Variants in CNGB3 observed in about 807,000 individuals in gnomAD.
CNGB3 encodes the protein cyclic nucleotide-gated channel beta-3.
CNGB3 carries 86 observed loss-of-function variants against 92.8 expected under a neutral mutation model. That is an observed-to-expected ratio of 0.93 (90% CI 0.78 to 1.11). CNGB3 has a LOEUF of 1.11. CNGB3 is among the 50% of genes least tolerant of loss of function. The pLI, the probability that CNGB3 is intolerant of heterozygous loss-of-function variation, is 0.00. For synonymous variants in CNGB3, 333 were observed against 332.7 expected, an observed-to-expected ratio of 1.00 and a Z score of -0.01; for missense variants, 1,026 against 956.8, an observed-to-expected ratio of 1.07 and a Z score of -0.95.
chr8:86,599,350 T>G (rs1230926036), intron 15 of CNGB3, among the ~76,000 whole-genome samples: 2 of 152,136 alleles, frequency 1.3e-5, no homozygotes, highest in Non-Finnish European at 2.9e-5. Flanking sequence ...CTGGGATGAT[T>G]GCGTTAACTG....
At chr8:86,688,619 C>T (rs1203615653) in intron 3 of CNGB3, among the ~76,000 whole-genome samples, 1 of 152,040 alleles carries the variant, frequency 6.6e-6, no homozygotes, top group Admixed American at 6.6e-5. Flanking sequence ...TTCCTCACAG[C>T]AGCCTTTAAT....
chr8:86,708,088 C>G (rs1443339869), intron 3 of CNGB3: 1 of 152,180 alleles, frequency 6.6e-6, no homozygotes, highest in Non-Finnish European at 1.5e-5. Context: ...TGTAATTCAA[C>G]CCAGGGTTCT....
chr8:86,661,017 C>T (rs376639384), intron 6 of CNGB3, among the ~76,000 whole-genome samples: 1 of 152,152 alleles, frequency 6.6e-6, no homozygotes, highest in Admixed American at 6.5e-5. Context: ...CGCCTCCTCC[C>T]TAAAGTTCTA....
chr8:86,581,856 T>C (rs996474992), intron 15 of CNGB3, among the ~76,000 whole-genome samples: 2 of 152,114 alleles, frequency 1.3e-5, no homozygotes, highest in Non-Finnish European at 2.9e-5. Flanking sequence ...GACAGGGAAC[T>C]AGAAGGAATT....
intron 3 of CNGB3, among the ~76,000 whole-genome samples, chr8:86,722,104 C>A (rs530070884): frequency 6.6e-6 from 1 of 152,240 alleles, no homozygotes; most frequent in South Asian, 2.1e-4. Flanking sequence ...AGTCTTGCAG[C>A]ACACCCTAGT....
chr8:86,728,407 A>AG (rs2131673471), intron 2 of CNGB3, among the ~76,000 whole-genome samples: 1 of 85,008 alleles, frequency 1.2e-5, no homozygotes, highest in East Asian at 3.5e-4. Flanking sequence ...TTTTGATAAA[A>AG]AAAGAGAGAA....
At chr8:86,693,752 A>C (rs1005896025) in intron 3 of CNGB3, among the ~76,000 whole-genome samples, 1 of 151,794 alleles carries the variant, frequency 6.6e-6, no homozygotes. Flanking sequence ...CAGAGAGCAC[A>C]GGGTTGGGGG....
At chr8:86,633,298 C>T (rs1039594716) in intron 10 of CNGB3, among the ~76,000 whole-genome samples, 9 of 152,128 alleles carry the variant, frequency 5.9e-5, no homozygotes, top group African/African-American at 2.2e-4. Context: ...ATGTCTGAAA[C>T]CTTGATTCTG....
At chr8:86,697,497 T>G (rs1824471040) in intron 3 of CNGB3, among the ~76,000 whole-genome samples, 2 of 152,200 alleles carry the variant, frequency 1.3e-5, no homozygotes, top group African/African-American at 4.8e-5. Context: ...ATTGTTCAGC[T>G]TGCTATGAAT....
intron 3 of CNGB3, among the ~76,000 whole-genome samples, chr8:86,675,719 ATC>A (rs1433142260): frequency 1.3e-5 from 2 of 152,222 alleles, no homozygotes; most frequent in Non-Finnish European, 2.9e-5. Flanking sequence ...TTATTTATAT[ATC>A]TCTATGAAAG....
At chr8:86,589,954 T>G (rs1291839485) in intron 15 of CNGB3, among the ~76,000 whole-genome samples, 2 of 148,596 alleles carry the variant, frequency 1.3e-5, no homozygotes, top group Non-Finnish European at 3.0e-5. Flanking sequence ...AAGTCTCCCA[T>G]TATTATTGTG....
At chr8:86,737,814 G>C (rs911033411) in intron 2 of CNGB3, among the ~76,000 whole-genome samples, 2 of 152,188 alleles carry the variant, frequency 1.3e-5, no homozygotes, top group Non-Finnish European at 2.9e-5. Context: ...TCCCACAAGT[G>C]AGAACATGCG....
chr8:86,668,516 C>T (rs979858239), intron 4 of CNGB3, among the ~76,000 whole-genome samples: 12 of 151,982 alleles, frequency 7.9e-5, no homozygotes, highest in African/African-American at 2.7e-4. Flanking sequence ...TTCTTAAAGT[C>T]GGAACGTTTA....
intron 3 of CNGB3, among the ~76,000 whole-genome samples, chr8:86,709,198 A>G (rs75993729): frequency 0.019 from 2,868 of 152,260 alleles, 87 homozygotes; most frequent in African/African-American, 0.066. Context: ...CTTAGATGCA[A>G]GTTTGTTTGG....
chr8:86,678,689 G>T (rs1346039070), intron 3 of CNGB3, among the ~76,000 whole-genome samples: 1 of 151,958 alleles, frequency 6.6e-6, no homozygotes, highest in Non-Finnish European at 1.5e-5. Flanking sequence ...ATATTCTATT[G>T]TCCCAAAAAT....
intron 2 of CNGB3, among the ~76,000 whole-genome samples, chr8:86,737,150 A>G (rs1350416122): frequency 6.6e-6 from 1 of 152,236 alleles, no homozygotes; most frequent in Non-Finnish European, 1.5e-5. Context: ...TATCCTCTAC[A>G]TTCTAATCTG....
intron 14 of CNGB3, 84 bp from the exon 15 acceptor site, chr8:86,604,295 G>C: frequency 1.1e-6 from 1 of 886,968 alleles, no homozygotes; most frequent in East Asian, 2.6e-5. Context: ...AATTCTTTTA[G>C]AGGAGTAAAT....
At chr8:86,594,149 C>T in intron 15 of CNGB3, 1 of 286,292 alleles carries the variant, frequency 3.5e-6, no homozygotes, top group South Asian at 3.5e-5. Context: ...GGGACAGCAT[C>T]CAACGGGGAA....
rs998358052 is a variant in CNGB3, at chr8:86,666,795, G to A, written c.852+130C>T. On this transcript the variant is annotated intron_variant, in intron 6 of 17. Coordinates refer to ENST00000320005, the MANE Select transcript of CNGB3 (RefSeq NM_019098.5). ...TTATAATTGTTTTCTTGTTATTATT[G>A]CTCATGACTTCTTGCAATTATCCAT... 5 of 773,018 alleles carry A rather than the reference G, an allele frequency of 6.5e-6. No homozygotes were observed. In the Admixed American group the frequency reaches 1.0e-4, roughly 15 times the overall value. 47.9% of individuals were successfully genotyped at this position (773,018 alleles called of 1,614,324 possible).
Sources: allele counts gnomAD v4.1 joint callset (sites outside exome capture counted in the v4.1 genomes callset), GRCh38; gene constraint gnomAD v4.1.1; transcripts MANE v1.5; gene names NCBI Gene and HGNC (gene_info 2026-07-23, HGNC 2026-07-21).